The following AP1M2 variants were observed in gnomAD, a reference collection of about 807,000 sequenced individuals.
The protein encoded by AP1M2 is AP-1 complex subunit mu-2.
Under a neutral mutation model 54.6 loss-of-function variants are expected in AP1M2, and 41 were observed. The ratio of observed to expected loss-of-function variants is 0.75; its 90% CI spans 0.59 to 0.97. AP1M2 has a LOEUF of 0.97. Ranked by LOEUF, AP1M2 falls within the 50% of genes least tolerant of loss-of-function variation. AP1M2 has a pLI of 0.00. For missense variants in AP1M2, 507 were observed against 561.2 expected (o/e 0.90, Z 0.98); for synonymous variants, 219 against 215.9 (o/e 1.01, Z -0.13).
chr19:10,577,227 C>T lies in AP1M2; in HGVS notation c.1018G>A (p.Val340Ile), dbSNP rs1917264993. Residue 340 changes from valine to isoleucine, a missense_variant, in exon 9 of 12, where the codon GTC becomes ATC. Val to Ile is a conservative substitution (Grantham distance 29, BLOSUM62 3). Transcript: ENST00000250244. ...GSAKYVPERN[V>I]VIWSIKSFPG... ...AAAGACTTAATACTCCAAATCACGA[C>T]GTTTCTCTCCGGCACATACTTGGCG... 6.2e-7 allele frequency: 1 copy of T among 1,612,954 alleles called. No individual in the cohort carries two copies. The highest frequency in any genetic ancestry group is 8.5e-7 in the Non-Finnish European group (1 of 1,179,604).
At chr19:10,582,977 C>T (rs545365751) in intron 3 of AP1M2, among the ~76,000 whole-genome samples, 7 of 151,746 alleles carry the variant, frequency 4.6e-5, no homozygotes, top group African/African-American at 1.7e-4. Context: ...AGGCAGGTGC[C>T]ACCATACCCG....
rs924659026 is a variant in AP1M2, at chr19:10,574,807, C to T, written c.1173+97G>A. On this transcript the variant is annotated intron_variant, in intron 10 of 11. Transcript: ENST00000250244. The stretch of plus-strand genomic sequence containing the variant: ...CAGGCAGCCTTCAGAGGAGTGTTGA[C>T]ACAGGCCAGGGGACTGAGGTGACTC... 2.8e-6 allele frequency: 4 copies of T among 1,434,466 alleles called. No individual in the cohort carries two copies. In the African/African-American group the frequency reaches 5.8e-5, roughly 21 times the overall value. The allele number at this position is 1,434,466 out of a possible 1,614,324, so 88.9% of individuals were successfully genotyped here. A position where few individuals can be genotyped will look rare whatever the true frequency, so the allele number is the denominator to read the frequency against.
chr19:10,579,727 G>A lies in AP1M2; in HGVS notation c.805C>T (p.Leu269Phe). Residue 269 changes from leucine (L) to phenylalanine (F), a missense_variant, in exon 7 of 12, where the codon CTC becomes TTC. Coordinates refer to ENST00000250244, the MANE Select transcript of AP1M2 (RefSeq NM_005498.5). ...GGACCCTGCCTCACCTGGGTGCTGA[G>A]GCGGTATGACATGAGCTCAAAGTCA... ...DGDFELMSYR[L>F]STQVKPLIWI... 6.2e-7 allele frequency: 1 copy of A among 1,613,340 alleles called. No individual in the cohort carries two copies. Among genetic ancestry groups the A allele is most frequent in the Non-Finnish European group, 8.5e-7 (1 of 1,179,602 alleles).
Position 10,585,732 on chromosome 19 carries a change from C to T in AP1M2, c.42+1458G>A, listed in dbSNP as rs115614414. The stretch of plus-strand genomic sequence containing the variant: ...AACCACTTCCTAAGGTTGTTTTGTC[C>T]AGTGTCTGAACAGGGAGGACCCATG... On this transcript the variant is annotated intron_variant, in intron 1 of 11. Coordinates refer to ENST00000250244, the MANE Select transcript of AP1M2 (RefSeq NM_005498.5). Among the ~76,000 whole-genome samples the T allele has an allele frequency of 9.4e-3, 1,434 of 152,004 alleles. 28 individuals are homozygous for T. Among genetic ancestry groups the T allele is most frequent in the African/African-American group, 0.033 (1,370 of 41,448 alleles).
chr19:10,584,095 G>A (rs1349468237), intron 1 of AP1M2, 25 bp from the exon 2 acceptor site: 1 of 1,600,814 alleles, frequency 6.2e-7, no homozygotes, highest in Non-Finnish European at 8.5e-7. Flanking sequence ...AAAGGACCTG[G>A]TCACCACCAG....
intron 7 of AP1M2, among the ~76,000 whole-genome samples, chr19:10,579,364 C>T (rs998595985): frequency 1.3e-5 from 2 of 151,896 alleles, no homozygotes; most frequent in South Asian, 2.1e-4. Context: ...TGCAGTGAGC[C>T]GAGATAGCGC....
intron 6 of AP1M2, among the ~76,000 whole-genome samples, chr19:10,580,742 T>G (rs1423928980): frequency 2.6e-5 from 4 of 151,880 alleles, no homozygotes; most frequent in African/African-American, 9.7e-5. Flanking sequence ...TTTGGGAGGA[T>G]TGCTTGAGGC....
chr19:10,585,629 G>T lies in AP1M2; in HGVS notation c.43-1559C>A, dbSNP rs142404522. On this transcript the variant is annotated intron_variant, in intron 1 of 11. Transcript: ENST00000250244. ...TGAGAATCACTTGAACCCAGGAGGT[G>T]AAGGTTGCTGTGAGCTGAGATCACA... Among the ~76,000 whole-genome samples the T allele has an allele frequency of 2.1e-3, 318 of 151,952 alleles. 1 individual carries two copies. The highest frequency in any genetic ancestry group is 7.1e-3 in the African/African-American group (296 of 41,440).
chr19:10,576,689 AT>A (rs1457248294), intron 9 of AP1M2, among the ~76,000 whole-genome samples: 1 of 149,052 alleles, frequency 6.7e-6, no homozygotes, highest in Non-Finnish European at 1.5e-5. Flanking sequence ...ATGAGCCACC[AT>A]GTCTGGCCTT....
rs917840672 is a variant in AP1M2, at chr19:10,584,051, T to A, written c.62A>T (p.Tyr21Phe). ...VKGKPLISRN[Y>F]KGDVAMSKIE... ...CTTGCTCATGGCCACATCGCCCTTG[T>A]AGTTGCGGCTGATCAATGGCTGAGG... The change falls in exon 2 of 12, where the codon TAC (tyrosine) becomes TTC (phenylalanine). Residue 21 changes from tyrosine (Y) to phenylalanine (F), a missense_variant. Physicochemically the swap from Tyr to Phe is conservative, Grantham distance 22. Transcript: ENST00000250244. 1 of 1,610,778 alleles carries A rather than the reference T, an allele frequency of 6.2e-7. No homozygotes were observed. Among genetic ancestry groups the A allele is most frequent in the Non-Finnish European group, 8.5e-7 (1 of 1,178,664 alleles).
In AP1M2 at chr19:10,585,290, A is replaced by AGAAAGAAG. The variant is rs1555753872; in HGVS notation, c.43-1221_43-1220insCTTCTTTC. ...AAAGAAAGAAAGAAGAAAAAAAGAA[A>AGAAAGAAG]GAAAGAAAGAAAGAAAGAAAGAAAG... On this transcript the variant is annotated intron_variant, in intron 1 of 11. Coordinates refer to ENST00000250244, the MANE Select transcript of AP1M2 (RefSeq NM_005498.5). Among the ~76,000 whole-genome samples the AGAAAGAAG allele has an allele frequency of 4.2e-4, 35 of 82,798 alleles. 2 individuals carry two copies. Among genetic ancestry groups the AGAAAGAAG allele is most frequent in the African/African-American group, 1.2e-3 (26 of 21,284 alleles). The allele number at this position is 82,798 out of a possible 152,430, so 54.3% of individuals were successfully genotyped here.
intron 6 of AP1M2, among the ~76,000 whole-genome samples, chr19:10,580,400 G>T (rs745584963): frequency 6.6e-6 from 1 of 151,910 alleles, no homozygotes; most frequent in Non-Finnish European, 1.5e-5. Context: ...GGTGGCTCAC[G>T]CCTGTAATCC....
chr19:10,574,577 G>T, intron 10 of AP1M2, 85 bp from the exon 11 acceptor site: 1 of 1,191,176 alleles, frequency 8.4e-7, no homozygotes, highest in Non-Finnish European at 1.2e-6. Context: ...TAGGCCAAGC[G>T]GCTATGTGGC....
chr19:10,586,693 C>T lies in AP1M2; in HGVS notation c.42+497G>A, dbSNP rs1379458043. Among the ~76,000 whole-genome samples the T allele has an allele frequency of 2.0e-5, 3 of 151,990 alleles. No homozygotes were observed. The East Asian group carries it at 5.8e-4, about 29-fold the overall frequency. On this transcript the variant is annotated intron_variant, in intron 1 of 11. Coordinates refer to ENST00000250244, the MANE Select transcript of AP1M2 (RefSeq NM_005498.5). Reference sequence around the variant, plus strand: ...AGGCTGCAGTGAGCTATGATCGCACCACTGCACTCAAGCCTGGGAGACAGC... The same window carrying T: ...AGGCTGCAGTGAGCTATGATCGCACTACTGCACTCAAGCCTGGGAGACAGC...
rs992372006 is a variant in AP1M2 at position 10,586,009 on chromosome 19, C to A, written c.42+1181G>T. On this transcript the variant is annotated intron_variant, in intron 1 of 11. Transcript: ENST00000250244. ...AAAAAATAGGCCGGGTGCGGCCGGG[C>A]GCAGTGGCTCATGTCTGTAATCCCA... is the stretch of plus-strand genomic sequence containing the variant. 2.0e-5 allele frequency among the ~76,000 whole-genome samples: 3 copies of A among 152,068 alleles called. No homozygotes were observed. The South Asian group carries it at 6.2e-4, about 32-fold the overall frequency.
chr19:10,580,207 AC>A, intron 6 of AP1M2, among the ~76,000 whole-genome samples: 2 of 151,496 alleles, frequency 1.3e-5, no homozygotes, highest in South Asian at 4.2e-4. Flanking sequence ...ATGTGCTACC[AC>A]CCCCGGCTAA....
At chr19:10,583,733 C>G (rs1917539010) in intron 2 of AP1M2, 60 bp from the exon 3 acceptor site, 1 of 1,548,904 alleles carries the variant, frequency 6.5e-7, no homozygotes, top group South Asian at 1.1e-5. Context: ...GAATACAGAC[C>G]CCGAACCTCC....
At chr19:10,577,755 T>TTTTTTTTTG (rs1401635898) in intron 8 of AP1M2, among the ~76,000 whole-genome samples, 1 of 108,498 alleles carries the variant, frequency 9.2e-6, no homozygotes, top group Non-Finnish European at 1.9e-5. Context: ...TTTTTTTTTT[T>TTTTTTTTTG]AGACGGAGTC....
In AP1M2 at chr19:10,577,238, G is replaced by C. The variant is rs754707898; in HGVS notation, c.1007C>G (p.Pro336Arg). Reference protein sequence around the residue: ...KTSVGSAKYVPERNVVIWSIK... With the variant: ...KTSVGSAKYVRERNVVIWSIK... ...ACTCCAAATCACGACGTTTCTCTCC[G>C]GCACATACTTGGCGCTGCCCACACT... is the stretch of plus-strand genomic sequence containing the variant. Residue 336 changes from proline to arginine, a missense_variant, in exon 9 of 12, where the codon CCG (proline) becomes CGG (arginine). Physicochemically the swap from Pro to Arg is moderately radical, Grantham distance 103. Coordinates refer to ENST00000250244, the MANE Select transcript of AP1M2 (RefSeq NM_005498.5). 1.2e-6 allele frequency: 2 copies of C among 1,612,776 alleles called. No homozygotes were observed. The highest frequency in any genetic ancestry group is 1.7e-6 in the Non-Finnish European group (2 of 1,179,518).
Sources: gnomAD v4.1 joint callset for allele counts (sites outside exome capture counted in the v4.1 genomes callset) on GRCh38, gnomAD v4.1.1 for gene constraint, MANE v1.5 for transcripts, NCBI Gene and HGNC (gene_info 2026-07-23, HGNC 2026-07-21) for gene names.